The following LRRC4C variants were observed in gnomAD, a reference collection of about 807,000 sequenced individuals.
The protein encoded by LRRC4C is leucine-rich repeat-containing protein 4C.
Under a neutral mutation model 33.6 loss-of-function variants are expected in LRRC4C, and 5 were observed. The ratio of observed to expected loss-of-function variants is 0.15; its 90% CI spans 0.08 to 0.31. The LOEUF is 0.31. LRRC4C is among the 10% of genes least tolerant of loss of function. The probability of loss-of-function intolerance (pLI) is 1.00; values close to 1 mark genes in which losing one functional copy is unlikely to be tolerated. For synonymous variants in LRRC4C, 329 were observed against 302.0 expected (o/e 1.09, Z -0.93); for missense variants, 560 against 796.7 (o/e 0.70, Z 3.58).
intron 3 of LRRC4C, among the ~76,000 whole-genome samples, chr11:40,645,985 C>T (rs1398456210): frequency 6.6e-6 from 1 of 152,084 alleles, no homozygotes; most frequent in Non-Finnish European, 1.5e-5. Context: ...GTCCCTGCAT[C>T]CAGGATATCC....
chr11:41,309,926 T>C (rs960954884), intron 1 of LRRC4C, among the ~76,000 whole-genome samples: 2 of 152,382 alleles, frequency 1.3e-5, no homozygotes, highest in South Asian at 4.1e-4. Context: ...ACCTTTGTGC[T>C]ATCTCACTAG....
intron 5 of LRRC4C, among the ~76,000 whole-genome samples, chr11:40,224,751 C>T (rs1446648178): frequency 6.6e-6 from 1 of 152,156 alleles, no homozygotes; most frequent in Non-Finnish European, 1.5e-5. Flanking sequence ...AAAATAGGCA[C>T]TGAATAAATT....
At chr11:40,423,491 C>A (rs1443668711) in intron 3 of LRRC4C, among the ~76,000 whole-genome samples, 1 of 151,854 alleles carries the variant, frequency 6.6e-6, no homozygotes, top group Non-Finnish European at 1.5e-5. Context: ...ACTACAGGCG[C>A]CCGCTACCAC....
rs150637491 is a variant in LRRC4C, at chr11:40,261,843, G to A, written c.-175-20245C>T. Among the ~76,000 whole-genome samples the A allele has an allele frequency of 4.0e-3, 611 of 152,118 alleles. 1 individual carries two copies. Among genetic ancestry groups the A allele is most frequent in the African/African-American group, 0.014 (591 of 41,492 alleles). ...CCTTATACAAAAATTAACTCAGGAC[G>A]GATTAAAGACTTAAACGTAAAACCA... On this transcript the variant is annotated intron_variant, in intron 4 of 6. Transcript: ENST00000528697.
chr11:40,473,147 C>T lies in LRRC4C; in HGVS notation c.-269-153426G>A, dbSNP rs151051924. On this transcript the variant is annotated intron_variant, in intron 3 of 6. Coordinates refer to ENST00000528697, the MANE Select transcript of LRRC4C (RefSeq NM_001258419.2). ...GATACAAAACTTGGCAGAGATGCAA[C>T]AACAAAAAAGAATTTCAGGCCAATA... is the stretch of plus-strand genomic sequence containing the variant. 5.4e-4 allele frequency among the ~76,000 whole-genome samples: 82 copies of T among 152,188 alleles called. No homozygotes were observed. The East Asian group carries it at 0.012, about 23-fold the overall frequency.
At chr11:41,246,077 C>T (rs926801977) in intron 1 of LRRC4C, among the ~76,000 whole-genome samples, 1 of 152,156 alleles carries the variant, frequency 6.6e-6, no homozygotes, top group African/African-American at 2.4e-5. Flanking sequence ...TAGGATTTCA[C>T]CAGGGACCTG....
At chr11:40,530,554 A>C (rs1032238224) in intron 3 of LRRC4C, among the ~76,000 whole-genome samples, 1 of 152,142 alleles carries the variant, frequency 6.6e-6, no homozygotes, top group Admixed American at 6.6e-5. Context: ...TGCTCAGAGG[A>C]CCCTCAGTAA....
intron 3 of LRRC4C, among the ~76,000 whole-genome samples, chr11:40,453,497 T>C (rs1251143028): frequency 6.6e-6 from 1 of 151,978 alleles, no homozygotes; most frequent in Non-Finnish European, 1.5e-5. Context: ...TTCTTATGTA[T>C]TAATACAATC....
intron 3 of LRRC4C, among the ~76,000 whole-genome samples, chr11:40,473,065 A>C (rs1487785655): frequency 6.6e-6 from 1 of 152,248 alleles, no homozygotes; most frequent in Non-Finnish European, 1.5e-5. Flanking sequence ...AAATTATTCC[A>C]AACAAAGAAA....
intron 3 of LRRC4C, among the ~76,000 whole-genome samples, chr11:40,621,726 G>A (rs554672960): frequency 6.6e-6 from 1 of 151,872 alleles, no homozygotes; most frequent in South Asian, 2.1e-4. Context: ...TACATGGTAT[G>A]TGCTCAATTA....
chr11:40,917,559 G>T (rs1260236292), intron 2 of LRRC4C, among the ~76,000 whole-genome samples: 1 of 152,116 alleles, frequency 6.6e-6, no homozygotes, highest in African/African-American at 2.4e-5. Context: ...AGACACAACA[G>T]ACATAATGGA....
intron 5 of LRRC4C, among the ~76,000 whole-genome samples, chr11:40,182,500 C>T (rs914340778): frequency 2.0e-5 from 3 of 152,144 alleles, no homozygotes; most frequent in African/African-American, 4.8e-5. Context: ...AACTAAATGC[C>T]ACAGAATAAG....
chr11:40,382,684 ATTTTTTTTTTTTT>A (rs35200000), intron 3 of LRRC4C, among the ~76,000 whole-genome samples: 6 of 65,546 alleles, frequency 9.2e-5, no homozygotes, highest in African/African-American at 3.2e-4. Context: ...ACTTGTACTC[ATTTTTTTTTTTTT>A]TTTTTTTTTT....
intron 1 of LRRC4C, among the ~76,000 whole-genome samples, chr11:41,029,089 A>C (rs964941506): frequency 2.6e-5 from 4 of 151,814 alleles, no homozygotes; most frequent in South Asian, 2.1e-4. Flanking sequence ...TAACTAAGAC[A>C]TGGTTTGTAC....
At chr11:40,338,113 T>G (rs35751861) in intron 3 of LRRC4C, among the ~76,000 whole-genome samples, 29,105 of 152,186 alleles carry the variant, frequency 0.19, 2,941 homozygotes, top group East Asian at 0.24. Flanking sequence ...AAAATGCTTT[T>G]AAATTTCCTT....
At chr11:41,326,633 T>C (rs1951127613) in intron 1 of LRRC4C, among the ~76,000 whole-genome samples, 1 of 151,650 alleles carries the variant, frequency 6.6e-6, no homozygotes, top group South Asian at 2.1e-4. Context: ...GTAGATCTGA[T>C]ATAGAAGTGT....
chr11:40,174,176 G>A (rs1027791571), intron 5 of LRRC4C, among the ~76,000 whole-genome samples: 2 of 152,088 alleles, frequency 1.3e-5, no homozygotes, highest in Admixed American at 6.5e-5. Context: ...AGATAATATC[G>A]TATTTATTAT....
At chr11:41,443,625 CCTT>C (rs889424171) in intron 1 of LRRC4C, among the ~76,000 whole-genome samples, 2 of 144,680 alleles carry the variant, frequency 1.4e-5, no homozygotes, top group African/African-American at 5.0e-5. Flanking sequence ...TTCTTCTTCT[CCTT>C]TTTTTCTTCT....
At chr11:41,085,928 CAAAAAAAAA>C (rs10717008) in intron 1 of LRRC4C, among the ~76,000 whole-genome samples, 1 of 80,178 alleles carries the variant, frequency 1.2e-5, no homozygotes, top group Non-Finnish European at 2.3e-5. Context: ...TTTAAGACAC[CAAAAAAAAA>C]AAAAAAAAAA....
Sources: allele counts gnomAD v4.1 joint callset (sites outside exome capture counted in the v4.1 genomes callset), GRCh38; gene constraint gnomAD v4.1.1; transcripts MANE v1.5; gene names NCBI Gene and HGNC (gene_info 2026-07-23, HGNC 2026-07-21).